CDH18: variants seen among roughly 807,000 people sequenced by gnomAD.
CDH18 encodes the protein cadherin-18.
A neutral mutation model predicts 67.9 loss-of-function variants in CDH18; 31 were observed. That is an observed-to-expected ratio of 0.46 (90% confidence interval 0.34 to 0.62). The LOEUF (loss-of-function observed/expected upper bound fraction) is 0.62. Ranked by LOEUF, CDH18 falls within the 20% of genes least tolerant of loss-of-function variation. The pLI is 0.01. For synonymous variants in CDH18, 362 were observed against 347.2 expected, an observed-to-expected ratio of 1.04 and a Z score of -0.48; for missense variants, 890 against 975.5, an observed-to-expected ratio of 0.91 and a Z score of 1.17.
In CDH18 at chr5:19,788,271, T is replaced by C. The variant is rs115669671; in HGVS notation, c.229-41035A>G. Among the ~76,000 whole-genome samples, 547 of 152,290 alleles carry C rather than the reference T, an allele frequency of 3.6e-3. 1 individual carries two copies. The highest frequency in any genetic ancestry group is 0.013 in the African/African-American group (522 of 41,570). ...CACATAGACTGACTTTTCAAGATGGTAATGATGGAGATAACTTGAAACAAA... is the reference window on the plus strand; with the variant it reads ...CACATAGACTGACTTTTCAAGATGGCAATGATGGAGATAACTTGAAACAAA... On this transcript the variant is annotated intron_variant, in intron 3 of 12. Transcript: ENST00000382275.
intron 1 of CDH18, among the ~76,000 whole-genome samples, chr5:20,445,387 C>T (rs1357544343): frequency 6.6e-6 from 1 of 152,168 alleles, no homozygotes; most frequent in Non-Finnish European, 1.5e-5. Flanking sequence ...AGAATGTGGG[C>T]ATCATGCTGA....
intron 1 of CDH18, among the ~76,000 whole-genome samples, chr5:20,433,443 G>T (rs891632001): frequency 2.0e-5 from 3 of 151,866 alleles, no homozygotes; most frequent in Non-Finnish European, 2.9e-5. Context: ...TGTAAATCTA[G>T]AGACAAGCAG....
At chr5:20,228,476 A>G (rs1001741640) in intron 2 of CDH18, among the ~76,000 whole-genome samples, 2 of 152,084 alleles carry the variant, frequency 1.3e-5, no homozygotes, top group Non-Finnish European at 2.9e-5. Flanking sequence ...TTTTAGAAAG[A>G]ATACTTAACA....
At chr5:20,565,716 A>G (rs1321077701) in intron 1 of CDH18, among the ~76,000 whole-genome samples, 1 of 151,252 alleles carries the variant, frequency 6.6e-6, no homozygotes, top group Non-Finnish European at 1.5e-5. Flanking sequence ...TCAACATTCC[A>G]GTCTTCCTGA....
At chr5:19,736,410 G>C (rs750752400) in intron 4 of CDH18, among the ~76,000 whole-genome samples, 1 of 152,116 alleles carries the variant, frequency 6.6e-6, no homozygotes, top group African/African-American at 2.4e-5. Flanking sequence ...CTTCACAGGT[G>C]GGGGAGACAT....
rs530327449 is a variant in CDH18 at position 19,888,939 on chromosome 5, G to T, written c.-256-49697C>A. Among the ~76,000 whole-genome samples the T allele has an allele frequency of 2.0e-5, 3 of 152,210 alleles. No homozygotes were observed. In the South Asian group the frequency reaches 6.2e-4, roughly 32 times the overall value. On this transcript the variant is annotated intron_variant, in intron 2 of 12. Transcript: ENST00000382275. ...ATAGCTTCCCTTGGTATCTGTGAGG[G>T]ATTCATTCCAGGACCCACCAGGGGT...
intron 6 of CDH18, among the ~76,000 whole-genome samples, chr5:19,595,888 T>A (rs1746090883): frequency 6.6e-6 from 1 of 152,240 alleles, no homozygotes; most frequent in Non-Finnish European, 1.5e-5. Flanking sequence ...ACATATCTTT[T>A]CCTGTGTAAA....
intron 2 of CDH18, among the ~76,000 whole-genome samples, chr5:20,198,062 A>T (rs1195399746): frequency 1.3e-5 from 2 of 152,118 alleles, no homozygotes; most frequent in African/African-American, 2.4e-5. Flanking sequence ...CCCTGATTGT[A>T]AGTTTCCTGA....
chr5:19,822,167 C>T (rs751263873), intron 3 of CDH18, among the ~76,000 whole-genome samples: 14 of 152,244 alleles, frequency 9.2e-5, no homozygotes, highest in Middle Eastern at 3.4e-3. Context: ...ACTTAAAAGA[C>T]ACAGAGTGGC....
intron 1 of CDH18, among the ~76,000 whole-genome samples, chr5:20,376,014 T>TA (rs1743386408): frequency 6.7e-6 from 1 of 149,760 alleles, no homozygotes; most frequent in South Asian, 2.1e-4. Flanking sequence ...GTTGTAGGTA[T>TA]AAAACACTGA....
In CDH18 at chr5:19,581,531, T is replaced by A. The variant is rs191381338; in HGVS notation, c.999+9526A>T. 3.9e-5 allele frequency among the ~76,000 whole-genome samples: 6 copies of A among 152,150 alleles called. No homozygotes were observed. In the East Asian group the frequency reaches 9.7e-4, roughly 25 times the overall value. ...AATGCTGTTTAGCCAAGTTGCCGTA[T>A]GAGTCAATTATTCTTAGAGTTTAGA... is the stretch of plus-strand genomic sequence containing the variant. On this transcript the variant is annotated intron_variant, in intron 7 of 12. Transcript: ENST00000382275.
intron 1 of CDH18, among the ~76,000 whole-genome samples, chr5:20,287,474 A>C (rs1364659851): frequency 6.6e-6 from 1 of 151,916 alleles, no homozygotes; most frequent in Non-Finnish European, 1.5e-5. Flanking sequence ...AAGATAATCT[A>C]AAACTTTCCT....
chr5:20,305,243 C>T lies in CDH18; in HGVS notation c.-579-49738G>A, dbSNP rs1736317779. The T allele has an allele frequency of 5.8e-6, 8 of 1,379,452 alleles. No homozygotes were observed. The African/African-American group carries it at 8.5e-5, about 15-fold the overall frequency. The allele number at this position is 1,379,452 out of a possible 1,614,324, so 85.5% of individuals were successfully genotyped here. A position where few individuals can be genotyped will look rare whatever the true frequency, so the allele number is the denominator to read the frequency against. Reference sequence around the variant, plus strand: ...CCACTACCAAATCCAGGAAACCGTCCTCCTCCAGAAGGTACCACTAAACCT... The same window carrying T: ...CCACTACCAAATCCAGGAAACCGTCTTCCTCCAGAAGGTACCACTAAACCT... On this transcript the variant is annotated intron_variant, in intron 1 of 14. Coordinates refer to the CDH18 transcript ENST00000507958.
At chr5:20,508,913 C>T (rs1754835312) in intron 1 of CDH18, among the ~76,000 whole-genome samples, 1 of 152,064 alleles carries the variant, frequency 6.6e-6, no homozygotes. Flanking sequence ...GTCACACCCT[C>T]CTAATGTCTA....
At chr5:19,658,192 A>G (rs1277716295) in intron 5 of CDH18, among the ~76,000 whole-genome samples, 1 of 152,062 alleles carries the variant, frequency 6.6e-6, no homozygotes, top group Non-Finnish European at 1.5e-5. Flanking sequence ...GCATTTTTAT[A>G]TAGATATTAT....
chr5:20,244,486 C>T (rs1561907612), intron 2 of CDH18, among the ~76,000 whole-genome samples: 1 of 152,002 alleles, frequency 6.6e-6, no homozygotes, highest in African/African-American at 2.4e-5. Context: ...ATCATTGCAA[C>T]AGTAGAAAAG....
chr5:20,037,398 A>T (rs1340649062), intron 2 of CDH18, among the ~76,000 whole-genome samples: 1 of 152,118 alleles, frequency 6.6e-6, no homozygotes, highest in Non-Finnish European at 1.5e-5. Context: ...AATCAACAGA[A>T]TATACATTCT....
rs1742014264 is a variant in CDH18, at chr5:19,574,678, A to G, written c.1000-2846T>C. 2.0e-5 allele frequency among the ~76,000 whole-genome samples: 3 copies of G among 152,076 alleles called. No homozygotes were observed. The South Asian group carries it at 6.2e-4, about 31-fold the overall frequency. Reference sequence around the variant, plus strand: ...GTAACTCTGGGAAAACTACTCAAGTACCCATCTTCCACACCTTTTAAATAG... The same window carrying G: ...GTAACTCTGGGAAAACTACTCAAGTGCCCATCTTCCACACCTTTTAAATAG... On this transcript the variant is annotated intron_variant, in intron 7 of 12. Coordinates refer to ENST00000382275, the MANE Select transcript of CDH18 (RefSeq NM_004934.5).
chr5:19,659,127 TAA>T (rs1252981450), intron 5 of CDH18, among the ~76,000 whole-genome samples: 3 of 152,140 alleles, frequency 2.0e-5, no homozygotes, highest in Non-Finnish European at 4.4e-5. Context: ...AAAATATTTA[TAA>T]AATATATTAA....
Sources: allele counts gnomAD v4.1 joint callset (sites outside exome capture counted in the v4.1 genomes callset), GRCh38; gene constraint gnomAD v4.1.1; transcripts MANE v1.5; gene names NCBI Gene and HGNC (gene_info 2026-07-23, HGNC 2026-07-21).